The following MACROD2 variants were observed in gnomAD, a reference collection of about 807,000 sequenced individuals.
The protein encoded by MACROD2 is ADP-ribose glycohydrolase MACROD2.
In MACROD2, 36 loss-of-function variants were observed where a neutral mutation model predicts 70.4. The observed-to-expected ratio is 0.51, with a 90% CI of 0.39 to 0.68. The LOEUF (loss-of-function observed/expected upper bound fraction) is 0.68. MACROD2 is among the 30% of genes least tolerant of loss of function. MACROD2 has a pLI of 0.00. For missense variants in MACROD2, 496 were observed against 538.4 expected (o/e 0.92, Z 0.78); for synonymous variants, 172 against 178.8 (o/e 0.96, Z 0.30).
chr20:14,188,991 C>T (rs975655877), intron 3 of MACROD2, among the ~76,000 whole-genome samples: 1 of 152,124 alleles, frequency 6.6e-6, no homozygotes, highest in African/African-American at 2.4e-5. Flanking sequence ...TTTGTGCATT[C>T]ATCTTTTTCT....
At chr20:15,206,894 G>A (rs955286990) in intron 5 of MACROD2, among the ~76,000 whole-genome samples, 7 of 150,362 alleles carry the variant, frequency 4.7e-5, no homozygotes, top group African/African-American at 1.5e-4. Context: ...CCGCCACCGC[G>A]CCCGGCTAAT....
At chr20:14,014,680 T>C (rs745590006) in intron 2 of MACROD2, among the ~76,000 whole-genome samples, 9 of 152,362 alleles carry the variant, frequency 5.9e-5, no homozygotes, top group Middle Eastern at 3.4e-3. Flanking sequence ...TGTTCTTCTT[T>C]CATAGCTTTT....
chr20:15,341,045 T>C (rs2078105283), intron 6 of MACROD2, among the ~76,000 whole-genome samples: 3 of 152,124 alleles, frequency 2.0e-5, no homozygotes, highest in Admixed American at 2.0e-4. Context: ...AAATAGCTGA[T>C]CCCATATATT....
intron 4 of MACROD2, among the ~76,000 whole-genome samples, chr20:14,625,520 C>T (rs1984094865): frequency 1.3e-5 from 2 of 152,030 alleles, no homozygotes; most frequent in Non-Finnish European, 2.9e-5. Flanking sequence ...ATTGGCCACT[C>T]CAATGCTGAC....
chr20:14,769,954 A>G (rs2072143102), intron 5 of MACROD2, among the ~76,000 whole-genome samples: 1 of 152,064 alleles, frequency 6.6e-6, no homozygotes, highest in South Asian at 2.1e-4. Flanking sequence ...ATTCATAAGA[A>G]CTAGCTATTT....
At chr20:14,288,272 C>T (rs1049838956) in intron 3 of MACROD2, among the ~76,000 whole-genome samples, 2 of 152,060 alleles carry the variant, frequency 1.3e-5, no homozygotes, top group South Asian at 2.1e-4. Flanking sequence ...TCCCTAGTTT[C>T]CCTCGTAGCT....
intron 2 of MACROD2, among the ~76,000 whole-genome samples, chr20:14,084,986 G>A (rs2054058292): frequency 6.8e-6 from 1 of 146,460 alleles, no homozygotes; most frequent in South Asian, 2.2e-4. Flanking sequence ...AGATGGGCAT[G>A]GCATGGTGGC....
chr20:15,682,446 T>C, intron 8 of MACROD2, among the ~76,000 whole-genome samples: 1 of 152,182 alleles, frequency 6.6e-6, no homozygotes, highest in Non-Finnish European at 1.5e-5. Context: ...AATGATTAGA[T>C]TTTAATATAA....
chr20:15,891,222 G>A (rs562096983), intron 10 of MACROD2, among the ~76,000 whole-genome samples: 2 of 152,250 alleles, frequency 1.3e-5, no homozygotes, highest in South Asian at 2.1e-4. Flanking sequence ...TTGGAGGAGT[G>A]GGGGTGAGAA....
intron 5 of MACROD2, among the ~76,000 whole-genome samples, chr20:15,176,192 G>GC (rs2145895609): frequency 6.6e-6 from 1 of 152,356 alleles, no homozygotes; most frequent in South Asian, 2.1e-4. Context: ...GGGGCTGAGG[G>GC]CAGCTTAGTG....
At chr20:15,089,514 C>G (rs1185426623) in intron 5 of MACROD2, among the ~76,000 whole-genome samples, 1 of 152,086 alleles carries the variant, frequency 6.6e-6, no homozygotes, top group Non-Finnish European at 1.5e-5. Flanking sequence ...AACATGTCAA[C>G]TCTTTTATCT....
At chr20:14,065,912 T>C (rs912189444) in intron 2 of MACROD2, among the ~76,000 whole-genome samples, 3 of 152,142 alleles carry the variant, frequency 2.0e-5, no homozygotes, top group Non-Finnish European at 2.9e-5. Flanking sequence ...TGAGTCGTCA[T>C]TGTGGAGGGA....
intron 12 of MACROD2, among the ~76,000 whole-genome samples, chr20:15,946,569 CAA>C (rs569608080): frequency 7.6e-4 from 115 of 152,226 alleles, no homozygotes; most frequent in Non-Finnish European, 1.0e-3. Context: ...TATATTGTAT[CAA>C]TATTAGTTAT....
chr20:13,995,933 C>T lies in MACROD2; in HGVS notation c.46+124C>T. The T allele has an allele frequency of 5.3e-6, 6 of 1,124,728 alleles. No homozygotes were observed. Among genetic ancestry groups the T allele is most frequent in the Non-Finnish European group, 7.8e-6 (6 of 773,004 alleles). The allele number at this position is 1,124,728 out of a possible 1,614,324, so 69.7% of individuals were successfully genotyped here. A position where few individuals can be genotyped will look rare whatever the true frequency, so the allele number is the denominator to read the frequency against. ...CGCCTCGCGCCCTCCCGGCCGGTGC[C>T]GCCTCCCTCCGGTGTCCGTGTGTAC... On this transcript the variant is annotated intron_variant, in intron 1 of 17. Transcript: ENST00000684519. The surrounding 1 kb of genome is among the most constrained non-coding windows in gnomAD (Gnocchi z 4.3).
chr20:14,385,528 G>C (rs1431057238), intron 3 of MACROD2, among the ~76,000 whole-genome samples: 1 of 152,124 alleles, frequency 6.6e-6, no homozygotes, highest in African/African-American at 2.4e-5. Context: ...GTCAAAGATA[G>C]CATTTTTACT....
At chr20:15,215,753 AT>A (rs1255894361) in intron 5 of MACROD2, among the ~76,000 whole-genome samples, 6 of 152,114 alleles carry the variant, frequency 3.9e-5, no homozygotes, top group Non-Finnish European at 7.4e-5. Flanking sequence ...AGTTATAAAA[AT>A]GATGTTCCAG....
chr20:15,744,763 G>A (rs1274379911), intron 8 of MACROD2, among the ~76,000 whole-genome samples: 8 of 151,744 alleles, frequency 5.3e-5, no homozygotes, highest in Admixed American at 4.6e-4. Flanking sequence ...TTTAGGTGCC[G>A]TTTCAGAAGC....
In MACROD2 at chr20:15,446,392, CTTG is replaced by C. The variant is rs2146384312; in HGVS notation, c.571+14961_571+14963del. ...GCCTGTGCAAGGGAGGATTTTTGTT[CTTG>C]TTGAAATAAAACATTGTATTCTAAA... On this transcript the variant is annotated intron_variant, in intron 7 of 17. Transcript: ENST00000684519. Among the ~76,000 whole-genome samples the C allele has an allele frequency of 3.9e-5, 6 of 152,278 alleles. No homozygotes were observed. The South Asian group carries it at 1.2e-3, about 32-fold the overall frequency.
rs954572734 is a variant in MACROD2, at chr20:15,965,802, T to A, written c.908-1751T>A. Reference sequence around the variant, plus strand: ...TTAAAACAATTTGACATAAGTTAGATAACAGTTTGGCAAATGTGTCTGTGC... The same window carrying A: ...TTAAAACAATTTGACATAAGTTAGAAAACAGTTTGGCAAATGTGTCTGTGC... On this transcript the variant is annotated intron_variant, in intron 12 of 17. Transcript: ENST00000684519. Among the ~76,000 whole-genome samples, 3 of 152,188 alleles carry A rather than the reference T, an allele frequency of 2.0e-5. No homozygotes were observed. In the South Asian group the frequency reaches 6.2e-4, roughly 32 times the overall value.
Sources: allele counts gnomAD v4.1 joint callset (sites outside exome capture counted in the v4.1 genomes callset), GRCh38; gene constraint gnomAD v4.1.1; non-coding constraint Gnocchi (gnomAD v3.1); transcripts MANE v1.5; gene names NCBI Gene and HGNC (gene_info 2026-07-23, HGNC 2026-07-21).